SRFBP1: variants seen among roughly 807,000 people sequenced by gnomAD.
SRFBP1 encodes the protein serum response factor-binding protein 1.
SRFBP1 carries 47 observed loss-of-function variants against 45.5 expected under a neutral mutation model. The ratio of observed to expected loss-of-function variants is 1.03; its 90% CI spans 0.82 to 1.32. The LOEUF (loss-of-function observed/expected upper bound fraction) is 1.32. Among genes scored for constraint, SRFBP1 ranks in the 40% most tolerant of loss-of-function variants. The pLI, the probability that SRFBP1 is intolerant of heterozygous loss-of-function variation, is 0.00. For synonymous variants in SRFBP1, 203 were observed against 166.3 expected (o/e 1.22, Z -1.70); for missense variants, 621 against 484.6 (o/e 1.28, Z -2.64).
At chr5:122,063,631 CAA>C (rs942711435) in intron 2 of SRFBP1, 1 of 151,328 alleles carries the variant, frequency 6.6e-6, no homozygotes, top group Admixed American at 6.6e-5. Context: ...AATATGAGTT[CAA>C]AAAAATATGT....
intron 4 of SRFBP1, among the ~76,000 whole-genome samples, chr5:122,014,566 A>G (rs1753159241): frequency 6.6e-6 from 1 of 151,250 alleles, no homozygotes; most frequent in South Asian, 2.1e-4. Flanking sequence ...ATTAGAAAAA[A>G]AAAATTAAAA....
intron 1 of SRFBP1, among the ~76,000 whole-genome samples, chr5:121,968,995 A>G (rs1752133856): frequency 6.6e-6 from 1 of 152,186 alleles, no homozygotes; most frequent in Non-Finnish European, 1.5e-5. Flanking sequence ...GAATTTTCAG[A>G]GGCTAACTGG....
chr5:122,068,998 G>C (rs1166219155), intron 2 of SRFBP1, among the ~76,000 whole-genome samples: 1 of 152,066 alleles, frequency 6.6e-6, no homozygotes, highest in Non-Finnish European at 1.5e-5. Flanking sequence ...AAACCTGCCA[G>C]GTTTTCTGTG....
rs185196631 is a variant in SRFBP1 at position 122,017,789 on chromosome 5, A to G, written c.271-1471A>G. On this transcript the variant is annotated intron_variant, in intron 4 of 7. Transcript: ENST00000339397. ...TATAATACTGGGTTGGAAATGTCTTATATTTGACTGTTCACAATGAAGGGT... is the reference window on the plus strand; with the variant it reads ...TATAATACTGGGTTGGAAATGTCTTGTATTTGACTGTTCACAATGAAGGGT... Among the ~76,000 whole-genome samples the G allele has an allele frequency of 3.0e-3, 450 of 152,308 alleles. 2 individuals are homozygous for G. The highest frequency in any genetic ancestry group is 0.01 in the African/African-American group (424 of 41,572).
chr5:122,010,007 A>G (rs1753057705), intron 4 of SRFBP1, among the ~76,000 whole-genome samples: 1 of 152,150 alleles, frequency 6.6e-6, no homozygotes, highest in African/African-American at 2.4e-5. Context: ...TAACTCTGCC[A>G]CCAGTACCAA....
At chr5:122,039,103 A>G (rs1753734647) in intron 2 of SRFBP1, among the ~76,000 whole-genome samples, 1 of 152,214 alleles carries the variant, frequency 6.6e-6, no homozygotes. Context: ...AATGCTTGCT[A>G]GTGAGATATC....
At chr5:122,005,013 C>G (rs1752947970) in intron 4 of SRFBP1, among the ~76,000 whole-genome samples, 1 of 152,068 alleles carries the variant, frequency 6.6e-6, no homozygotes. Context: ...AGAAAAGATA[C>G]TTAATATGTC....
At chr5:121,966,894 C>A (rs1284973186) in intron 1 of SRFBP1, among the ~76,000 whole-genome samples, 1 of 151,434 alleles carries the variant, frequency 6.6e-6, no homozygotes, top group Non-Finnish European at 1.5e-5. Flanking sequence ...ATTCTTCTGC[C>A]TCAGCCTCCC....
chr5:122,030,454 T>G (rs1382293327), downstream of SRFBP1, among the ~76,000 whole-genome samples: 1 of 152,156 alleles, frequency 6.6e-6, no homozygotes, highest in Non-Finnish European at 1.5e-5. Context: ...TCAGACACAT[T>G]CCCTGAGTAC....
At chr5:122,012,964 G>A (rs2112698362) in intron 4 of SRFBP1, among the ~76,000 whole-genome samples, 1 of 152,148 alleles carries the variant, frequency 6.6e-6, no homozygotes, top group Admixed American at 6.5e-5. Context: ...ATTTCAACTA[G>A]TGTTGCCTTC....
intron 3 of SRFBP1, among the ~76,000 whole-genome samples, chr5:121,991,757 T>A (rs913826842): frequency 2.1e-4 from 32 of 152,178 alleles, no homozygotes; most frequent in African/African-American, 6.8e-4. Flanking sequence ...TTCCTATCCA[T>A]CCATATTTGC....
intron 2 of SRFBP1, among the ~76,000 whole-genome samples, chr5:122,071,037 C>T (rs968123125): frequency 1.3e-5 from 2 of 151,486 alleles, no homozygotes; most frequent in Admixed American, 1.3e-4. Flanking sequence ...ATAGCTTTTA[C>T]AGTGTTTATC....
rs532960340 is a variant in SRFBP1, at chr5:122,058,624, A to G, written n.312-16691A>G. 4.0e-5 allele frequency among the ~76,000 whole-genome samples: 6 copies of G among 151,570 alleles called. No homozygotes were observed. In the South Asian group the frequency reaches 8.3e-4, roughly 21 times the overall value. On this transcript the variant is annotated intron_variant and non_coding_transcript_variant, in intron 2 of 2. Coordinates refer to the SRFBP1 transcript ENST00000504881. ...ACAACTCATTAAATATTTAATACCT[A>G]TCGTTATATATCTGGGCTTTCTCAC... is the stretch of plus-strand genomic sequence containing the variant.
intron 4 of SRFBP1, among the ~76,000 whole-genome samples, chr5:121,998,823 A>C (rs1242504115): frequency 6.6e-6 from 1 of 152,204 alleles, no homozygotes; most frequent in Non-Finnish European, 1.5e-5. Context: ...GATTAAGAAC[A>C]CACCAGTGTT....
At chr5:122,077,621 C>T (rs766883797), downstream of SRFBP1, 110 of 1,611,666 alleles carry the variant, frequency 6.8e-5, no homozygotes, top group Admixed American at 1.7e-5. This position sits in a 1 kb window ranked among gnomAD's most constrained non-coding sequence, Gnocchi z 4.9. Flanking sequence ...GAACCAGTGA[C>T]GGGCGGTGGG....
chr5:122,018,115 G>A (rs866831243), intron 4 of SRFBP1, among the ~76,000 whole-genome samples: 1 of 152,186 alleles, frequency 6.6e-6, no homozygotes, highest in South Asian at 2.1e-4. Context: ...TATATATTTG[G>A]GAGTAGAGTA....
In SRFBP1 at chr5:122,049,727, C is replaced by T. The variant is rs189052708; in HGVS notation, n.312-25588C>T. Among the ~76,000 whole-genome samples the T allele has an allele frequency of 1.9e-3, 285 of 152,284 alleles. 3 individuals are homozygous for T. The highest frequency in any genetic ancestry group is 6.5e-3 in the African/African-American group (269 of 41,550). ...AGAACTCAGGATTAAGAAACTCACT[C>T]AAAACCGCCAACTACATGGAAACTG... On this transcript the variant is annotated intron_variant and non_coding_transcript_variant, in intron 2 of 2. Transcript: ENST00000504881.
chr5:122,006,691 A>G (rs1752982362), intron 4 of SRFBP1, among the ~76,000 whole-genome samples: 1 of 151,968 alleles, frequency 6.6e-6, no homozygotes, highest in Non-Finnish European at 1.5e-5. Flanking sequence ...GGTGTTCTCC[A>G]TTAAATTTTT....
chr5:122,031,013 T>C (rs1325660884), downstream of SRFBP1, among the ~76,000 whole-genome samples: 1 of 152,192 alleles, frequency 6.6e-6, no homozygotes, highest in Non-Finnish European at 1.5e-5. Context: ...TGGCTGACCT[T>C]GAGGCACTGC....
Sources: gnomAD v4.1 joint callset for allele counts (sites outside exome capture counted in the v4.1 genomes callset) on GRCh38, gnomAD v4.1.1 for gene constraint, Gnocchi (gnomAD v3.1) non-coding constraint, MANE v1.5 for transcripts, NCBI Gene and HGNC (gene_info 2026-07-23, HGNC 2026-07-21) for gene names.